The following CCR6 variants were observed in gnomAD, a reference collection of about 807,000 sequenced individuals.
CCR6 encodes the protein C-C chemokine receptor type 6.
In CCR6, 2 loss-of-function variants were observed where a neutral mutation model predicts 3.0. The observed-to-expected ratio is 0.66, with a 90% CI of 0.27 to 2.07. The LOEUF is 2.07. CCR6 is among the 30% of genes most tolerant of loss of function. The pLI is 0.14. For missense variants in CCR6, 322 were observed against 462.8 expected, an observed-to-expected ratio of 0.70 and a Z score of 2.79; for synonymous variants, 193 against 184.3, an observed-to-expected ratio of 1.05 and a Z score of -0.38.
intron 1 of CCR6, among the ~76,000 whole-genome samples, chr6:167,134,351 C>G (rs879917661): frequency 2.0e-5 from 3 of 152,126 alleles, no homozygotes; most frequent in Non-Finnish European, 4.4e-5. Context: ...TCTGCATACT[C>G]TAAAGCACTC....
intron 1 of CCR6, among the ~76,000 whole-genome samples, chr6:167,128,397 A>G (rs941622095): frequency 5.3e-5 from 8 of 152,160 alleles, no homozygotes; most frequent in African/African-American, 1.9e-4. Flanking sequence ...ACCACGGTGG[A>G]GAGTACCCAG....
At position 167,137,263 on chromosome 6, in the gene CCR6, G is replaced by A. The variant is rs111321050; in HGVS notation, c.1033G>A (p.Gly345Ser). The change falls in exon 3 of 3, where the codon GGC becomes AGC. Residue 345 changes from glycine to serine, a missense_variant. Coordinates refer to ENST00000341935, the MANE Select transcript of CCR6 (RefSeq NM_031409.4). The surrounding 1 kb of genome is among the most constrained non-coding windows in gnomAD (Gnocchi z 4.6). Reference protein sequence around the residue: ...WCVRRKYKSSGFSCAGRYSEN... With the variant: ...WCVRRKYKSSSFSCAGRYSEN... ...TGTGAGAAGGAAGTACAAGTCCTCA[G>A]GCTTCTCCTGTGCCGGGAGGTACTC... 674 of 1,614,128 alleles carry A rather than the reference G, an allele frequency of 4.2e-4. 4 individuals carry two copies. The African/African-American group carries it at 7.4e-3, about 18-fold the overall frequency.
chr6:167,130,984 TCTGGACC>T (rs1562559635), intron 1 of CCR6, among the ~76,000 whole-genome samples: 495 of 23,858 alleles, frequency 0.021, 10 homozygotes, highest in Middle Eastern at 0.059. Flanking sequence ...CCACCCTCCC[TCTGGACC>T]CCCTCCCTTT....
intron 1 of CCR6, among the ~76,000 whole-genome samples, chr6:167,116,332 T>G (rs1003244125): frequency 6.6e-6 from 1 of 152,134 alleles, no homozygotes; most frequent in South Asian, 2.1e-4. Context: ...CCTCGCTCCC[T>G]CTTGGGAATT....
chr6:167,118,008 C>T (rs1324764294), upstream of CCR6, among the ~76,000 whole-genome samples: 1 of 149,992 alleles, frequency 6.7e-6, no homozygotes, highest in Non-Finnish European at 1.5e-5. Context: ...CCTCTGGCCA[C>T]TTCTGAAGTG....
intron 1 of CCR6, among the ~76,000 whole-genome samples, chr6:167,124,444 C>T (rs1781638400): frequency 1.3e-5 from 2 of 152,108 alleles, no homozygotes; most frequent in Non-Finnish European, 2.9e-5. Flanking sequence ...ATGGTGGGCC[C>T]ATGATTCAAA....
intron 1 of CCR6, 133 bp from the exon 2 acceptor site, chr6:167,135,905 A>T (rs1781842696): frequency 1.9e-6 from 1 of 523,912 alleles, no homozygotes; most frequent in Non-Finnish European, 3.3e-6. Flanking sequence ...GCCTATTCTC[A>T]ATGAATATTT....
At position 167,136,274 on chromosome 6, in the gene CCR6, G is replaced by T. The variant is rs545588880; in HGVS notation, c.44G>T (p.Ser15Ile). ...AATTTCAGCGATGTTTTCGACTCCA[G>T]TGAAGATTATTTTGTGTCAGTCAAT... is the stretch of plus-strand genomic sequence containing the variant. ...SMNFSDVFDS[S>I]EDYFVSVNTS... Residue 15 changes from serine (S) to isoleucine (I), a missense_variant, in exon 3 of 3, where the codon AGT (serine) becomes ATT (isoleucine). Transcript: ENST00000341935. The surrounding 1 kb of genome is among the most constrained non-coding windows in gnomAD (Gnocchi z 4.6). The T allele has an allele frequency of 5.0e-6, 8 of 1,608,738 alleles. No homozygotes were observed. In the East Asian group the frequency reaches 1.8e-4, roughly 36 times the overall value.
chr6:167,136,237 C>T lies in CCR6; in HGVS notation c.10-3C>T. 1 of 1,605,874 alleles carries T rather than the reference C, an allele frequency of 6.2e-7. No homozygotes were observed. The highest frequency in any genetic ancestry group is 8.5e-7 in the Non-Finnish European group (1 of 1,174,966). On this transcript the variant is annotated splice_region_variant and splice_polypyrimidine_tract_variant and intron_variant, in intron 2 of 2. Transcript: ENST00000341935. This position sits in a 1 kb window ranked among gnomAD's most constrained non-coding sequence, Gnocchi z 4.6. Reference sequence around the variant, plus strand: ...GCTAACTCTATCTTTGTTTCCTTTCCAGGAATCAATGAATTTCAGCGATGT... The same window carrying T: ...GCTAACTCTATCTTTGTTTCCTTTCTAGGAATCAATGAATTTCAGCGATGT...
intron 1 of CCR6, among the ~76,000 whole-genome samples, chr6:167,125,247 G>A (rs1781653279): frequency 6.6e-6 from 1 of 152,198 alleles, no homozygotes; most frequent in Non-Finnish European, 1.5e-5. Flanking sequence ...GTTATTAAAT[G>A]TTTTTAAATT....
At chr6:167,131,734 C>T (rs1037526252) in intron 1 of CCR6, among the ~76,000 whole-genome samples, 2 of 152,212 alleles carry the variant, frequency 1.3e-5, no homozygotes, top group African/African-American at 4.8e-5. Flanking sequence ...CATTACCCCT[C>T]AGTGCTCAGC....
In CCR6 at chr6:167,138,516, A is replaced by G. The variant is rs1781884334; in HGVS notation, c.*1161A>G. On this transcript the variant is annotated 3_prime_UTR_variant, in exon 3 of 3. Coordinates refer to ENST00000341935, the MANE Select transcript of CCR6 (RefSeq NM_031409.4). ...AAATTTGTGATGGAATCAGATTTTAACAGCTCTCTTCAATGACATAGAAAG... is the reference window on the plus strand; with the variant it reads ...AAATTTGTGATGGAATCAGATTTTAGCAGCTCTCTTCAATGACATAGAAAG... The G allele has an allele frequency of 6.6e-6, 1 of 152,358 alleles. No homozygotes were observed. The highest frequency in any genetic ancestry group is 1.5e-5 in the Non-Finnish European group (1 of 68,036). The allele number at this position is 152,358 out of a possible 1,614,324, so 9.4% of individuals were successfully genotyped here.
upstream of CCR6, among the ~76,000 whole-genome samples, chr6:167,119,855 G>A (rs1362698740): frequency 6.6e-6 from 1 of 152,204 alleles, no homozygotes; most frequent in African/African-American, 2.4e-5. Flanking sequence ...TGCAATGGGT[G>A]TGAGCCTGTG....
At chr6:167,119,202 C>T (rs3093026), upstream of CCR6, 66,318 of 152,190 alleles carry the variant, frequency 0.44, 14,969 homozygotes, top group Admixed American at 0.53. Flanking sequence ...AGATCTGAGT[C>T]GCCTTCCTGG....
chr6:167,135,892 G>A (rs1393203952), intron 1 of CCR6, 146 bp from the exon 2 acceptor site: 5 of 500,544 alleles, frequency 1.0e-5, no homozygotes, highest in African/African-American at 4.0e-5. Flanking sequence ...AGAGGTTGCT[G>A]ATGCCTATTC....
intron 1 of CCR6, chr6:167,115,408 G>A (rs111884756): frequency 3.3e-5 from 5 of 152,378 alleles, no homozygotes; most frequent in African/African-American, 1.2e-4. Flanking sequence ...CTGGAAGTCG[G>A]TTTTAGAGCT....
At chr6:167,114,201 G>A (rs909466841) in intron 1 of CCR6, among the ~76,000 whole-genome samples, 2 of 152,188 alleles carry the variant, frequency 1.3e-5, no homozygotes, top group Non-Finnish European at 2.9e-5. Flanking sequence ...TCCCTTGATC[G>A]GGCTTATGTC....
At chr6:167,125,611 C>A (rs1379901024) in intron 1 of CCR6, among the ~76,000 whole-genome samples, 1 of 152,176 alleles carries the variant, frequency 6.6e-6, no homozygotes, top group Non-Finnish European at 1.5e-5. Context: ...CGTTGAAGGC[C>A]GGGGGGAGAT....
chr6:167,130,986 T>TCCTCCCTTTG (rs1781750762), intron 1 of CCR6, among the ~76,000 whole-genome samples: 2 of 104,662 alleles, frequency 1.9e-5, no homozygotes, highest in Admixed American at 9.9e-5. Context: ...ACCCTCCCTC[T>TCCTCCCTTTG]GGACCCCCTC....
Sources: gnomAD v4.1 joint callset for allele counts (sites outside exome capture counted in the v4.1 genomes callset) on GRCh38, gnomAD v4.1.1 for gene constraint, Gnocchi (gnomAD v3.1) non-coding constraint, MANE v1.5 for transcripts, NCBI Gene and HGNC (gene_info 2026-07-23, HGNC 2026-07-21) for gene names.